Variants in CAST observed in about 807,000 individuals in gnomAD.
CAST encodes the protein calpastatin, also known as MIR583 host.
In CAST, 76 loss-of-function variants were observed where a neutral mutation model predicts 119.6. That is an observed-to-expected ratio of 0.64 (90% CI 0.53 to 0.77). CAST has a LOEUF of 0.77. Among genes scored for constraint, CAST ranks in the 30% least tolerant of loss-of-function variants. The pLI, the probability that CAST is intolerant of heterozygous loss-of-function variation, is 0.00. For synonymous variants in CAST, 319 were observed against 331.6 expected (o/e 0.96, Z 0.41); for missense variants, 953 against 946.5 (o/e 1.01, Z -0.09).
chr5:96,332,183 A>G, the CAST span, among the ~76,000 whole-genome samples: 1 of 152,286 alleles, frequency 6.6e-6, no homozygotes, highest in South Asian at 2.1e-4. Context: ...ACAAAACAAA[A>G]CAAACCTCAG....
the CAST span, chr5:96,432,919 C>T: frequency 6.2e-7 from 1 of 1,614,096 alleles, no homozygotes; most frequent in Non-Finnish European, 8.5e-7. Flanking sequence ...GCTTCCGGGC[C>T]CCCGGGGATC....
At chr5:96,165,134 T>G in the CAST span, among the ~76,000 whole-genome samples, 2 of 151,716 alleles carry the variant, frequency 1.3e-5, no homozygotes, top group South Asian at 4.2e-4. Flanking sequence ...GAGGGGAGAA[T>G]GCAGCAGTGG....
chr5:96,735,395 A>G (rs1761421381), intron 9 of CAST, among the ~76,000 whole-genome samples: 1 of 152,116 alleles, frequency 6.6e-6, no homozygotes, highest in African/African-American at 2.4e-5. Flanking sequence ...AAACCCAACA[A>G]CTTCACCCAT....
chr5:96,259,235 T>G, the CAST span, among the ~76,000 whole-genome samples: 1 of 152,170 alleles, frequency 6.6e-6, no homozygotes, highest in Non-Finnish European at 1.5e-5. Flanking sequence ...TAAGAACCAG[T>G]TAGAATGTCT....
the CAST span, among the ~76,000 whole-genome samples, chr5:96,436,656 A>C: frequency 6.6e-6 from 1 of 152,228 alleles, no homozygotes; most frequent in African/African-American, 2.4e-5. Flanking sequence ...CTATAGATTC[A>C]GAATCCATCT....
chr5:96,623,507 G>A (rs766587980), intron 1 of CAST, among the ~76,000 whole-genome samples: 18 of 152,106 alleles, frequency 1.2e-4, no homozygotes, highest in Non-Finnish European at 2.1e-4. Flanking sequence ...CAGAAGGGGA[G>A]AGTGAAGATT....
At chr5:96,063,831 G>C in the CAST span, among the ~76,000 whole-genome samples, 1 of 152,138 alleles carries the variant, frequency 6.6e-6, no homozygotes, top group Non-Finnish European at 1.5e-5. Flanking sequence ...CATACAAGTA[G>C]TTACTGTCAA....
chr5:96,018,152 T>G, the CAST span, among the ~76,000 whole-genome samples: 1 of 152,220 alleles, frequency 6.6e-6, no homozygotes, highest in African/African-American at 2.4e-5. Flanking sequence ...GCAGAAGATA[T>G]GTAAACATCC....
chr5:96,588,220 T>TTTTC, intron 1 of CAST, among the ~76,000 whole-genome samples: 1 of 114,626 alleles, frequency 8.7e-6, no homozygotes, highest in Non-Finnish European at 1.8e-5. Flanking sequence ...TTTTTTTTTT[T>TTTTC]GAGATGGAGT....
At chr5:96,093,154 G>A in the CAST span, among the ~76,000 whole-genome samples, 4 of 152,136 alleles carry the variant, frequency 2.6e-5, no homozygotes, top group Admixed American at 2.6e-4. Flanking sequence ...AAAAAATGAG[G>A]GACCAAACTA....
chr5:96,545,959 C>A (rs1165580053), intron 1 of CAST, among the ~76,000 whole-genome samples: 2 of 152,176 alleles, frequency 1.3e-5, no homozygotes, highest in Non-Finnish European at 2.9e-5. Context: ...AACCTTGTTC[C>A]TTCTAAGTCA....
the CAST span, among the ~76,000 whole-genome samples, chr5:96,025,087 A>G: frequency 3.3e-5 from 5 of 152,260 alleles, no homozygotes; most frequent in Non-Finnish European, 5.9e-5. Context: ...GCTTTTCCAC[A>G]TTTCTCCAAA....
intron 1 of CAST, among the ~76,000 whole-genome samples, chr5:96,551,527 C>A (rs1035167719): frequency 1.3e-5 from 2 of 152,104 alleles, no homozygotes; most frequent in Admixed American, 1.3e-4. Context: ...GTGAAATAAC[C>A]AGCTAGCATC....
At chr5:96,545,223 A>G (rs1745988273) in intron 1 of CAST, 1 of 152,182 alleles carries the variant, frequency 6.6e-6, no homozygotes, top group Non-Finnish European at 1.5e-5. Flanking sequence ...CAGGAGGATA[A>G]ATCCAATCAG....
chr5:96,108,479 G>T, the CAST span, among the ~76,000 whole-genome samples: 88 of 152,216 alleles, frequency 5.8e-4, 1 homozygote, highest in East Asian at 7.7e-3. Context: ...TGGAGTACCC[G>T]GCCGTGTGAG....
chr5:96,110,986 A>G, the CAST span: 1 of 152,192 alleles, frequency 6.6e-6, no homozygotes, highest in Non-Finnish European at 1.5e-5. Flanking sequence ...CAACAATTCA[A>G]TTTAATTCTG....
chr5:96,287,069 G>A, the CAST span, among the ~76,000 whole-genome samples: 1 of 152,048 alleles, frequency 6.6e-6, no homozygotes. Flanking sequence ...TAGTCAAGTG[G>A]TCCATCCCAT....
chr5:96,532,067 A>T (rs535609062), intron 1 of CAST, among the ~76,000 whole-genome samples: 2 of 152,298 alleles, frequency 1.3e-5, no homozygotes, highest in African/African-American at 4.8e-5. Flanking sequence ...AGGCTAGGCA[A>T]CAAAGCAAGA....
At chr5:96,011,940 A>C in the CAST span, among the ~76,000 whole-genome samples, 2 of 152,230 alleles carry the variant, frequency 1.3e-5, no homozygotes, top group Admixed American at 1.3e-4. Context: ...TAGTACATTT[A>C]TGGAATAATA....
Sources: gnomAD v4.1 joint callset for allele counts (sites outside exome capture counted in the v4.1 genomes callset) on GRCh38, gnomAD v4.1.1 for gene constraint, MANE v1.5 for transcripts, NCBI Gene and HGNC (gene_info 2026-07-23, HGNC 2026-07-21) for gene names.